NFIB: variants seen among roughly 807,000 people sequenced by gnomAD.
The protein encoded by NFIB is nuclear factor I B.
NFIB carries 11 observed loss-of-function variants against 61.5 expected under a neutral mutation model. The observed-to-expected ratio is 0.18, with a 90% CI of 0.11 to 0.30. NFIB has a LOEUF of 0.30. Ranked by LOEUF, NFIB falls within the 10% of genes least tolerant of loss-of-function variation. The pLI is 1.00. For missense variants in NFIB, 471 were observed against 608.9 expected, an observed-to-expected ratio of 0.77 and a Z score of 2.38; for synonymous variants, 260 against 216.5, an observed-to-expected ratio of 1.20 and a Z score of -1.76.
chr9:14,280,287 T>C (rs564019592), intron 2 of NFIB, among the ~76,000 whole-genome samples: 202 of 152,106 alleles, frequency 1.3e-3, no homozygotes, highest in Non-Finnish European at 2.5e-3. Context: ...TTCCCTCACA[T>C]GTACAAAGGA....
chr9:14,102,462 G>T, intron 10 of NFIB: 1 of 1,550,232 alleles, frequency 6.5e-7, no homozygotes, highest in Non-Finnish European at 8.7e-7. Flanking sequence ...CTGGTACTGG[G>T]GTATAAATGC....
intron 1 of NFIB, among the ~76,000 whole-genome samples, chr9:14,312,425 G>A (rs965129819): frequency 6.6e-6 from 1 of 152,198 alleles, no homozygotes; most frequent in Admixed American, 6.5e-5. Flanking sequence ...TACCAATGGT[G>A]ACACATCTTC....
At position 14,307,916 on chromosome 9, in the gene NFIB, G is replaced by T; in HGVS notation, c.31-396C>A. The T allele has an allele frequency of 6.2e-6, 1 of 160,428 alleles. No individual in the cohort carries two copies. Among genetic ancestry groups the T allele is most frequent in the Non-Finnish European group, 1.4e-5 (1 of 72,954 alleles). The allele number at this position is 160,428 out of a possible 1,614,324, so 9.9% of individuals were successfully genotyped here. A position where few individuals can be genotyped will look rare whatever the true frequency, so the allele number is the denominator to read the frequency against. On this transcript the variant is annotated intron_variant, in intron 1 of 10. Transcript: ENST00000380953. This position sits in a 1 kb window ranked among gnomAD's most constrained non-coding sequence, Gnocchi z 5.3. The stretch of plus-strand genomic sequence containing the variant: ...TTGATTGACCAACTAACACTATGCA[G>T]TACCATTTTACAAAGAACACAGTGA...
chr9:14,265,442 G>C (rs1157703677), intron 2 of NFIB, among the ~76,000 whole-genome samples: 2 of 152,162 alleles, frequency 1.3e-5, no homozygotes, highest in Non-Finnish European at 2.9e-5. Context: ...CGGAGAGCTT[G>C]CTTGCTCCGT....
the NFIB span, among the ~76,000 whole-genome samples, chr9:14,419,569 C>A: frequency 6.6e-6 from 1 of 152,202 alleles, no homozygotes; most frequent in Admixed American, 6.5e-5. Flanking sequence ...AATTTTGCAA[C>A]GAGCCCTGTT....
intron 2 of NFIB, among the ~76,000 whole-genome samples, chr9:14,226,600 ACTT>A (rs1182640175): frequency 1.3e-5 from 2 of 152,104 alleles, no homozygotes; most frequent in African/African-American, 2.4e-5. Context: ...CTTAAAAAAT[ACTT>A]CTTATGAGCT....
chr9:14,264,436 G>C (rs917754746), intron 2 of NFIB, among the ~76,000 whole-genome samples: 11 of 152,152 alleles, frequency 7.2e-5, no homozygotes, highest in African/African-American at 2.7e-4. Flanking sequence ...ACTAAAGGAA[G>C]ATACTATTAT....
At chr9:14,347,799 G>A (rs536125077) in intron 1 of NFIB, among the ~76,000 whole-genome samples, 1 of 152,282 alleles carries the variant, frequency 6.6e-6, no homozygotes, top group South Asian at 2.1e-4. Flanking sequence ...CGACGGCTCA[G>A]GGCGGTAGAG....
Position 14,120,624 on chromosome 9 carries a change from A to G in NFIB, c.1061T>C (p.Val354Ala). The G allele has an allele frequency of 6.3e-7, 1 of 1,594,588 alleles. No homozygotes were observed. Among genetic ancestry groups the G allele is most frequent in the Non-Finnish European group, 8.5e-7 (1 of 1,171,708 alleles). The part of the protein sequence containing the change: ...HPGIPGVAHS[V>A]ISTRTPPPPS... Reference sequence around the variant, plus strand: ...TGGAGGTGGAGTTCGAGTTGAGATGACTGCAGAAGACAGAAAAGGAAAGAT... The same window carrying G: ...TGGAGGTGGAGTTCGAGTTGAGATGGCTGCAGAAGACAGAAAAGGAAAGAT... Residue 354 changes from valine (V) to alanine (A), a missense_variant and splice_region_variant, in exon 8 of 11, where the codon GTC (valine) becomes GCC (alanine). Physicochemically the swap from Val to Ala is moderately conservative, Grantham distance 64 (BLOSUM62 0). Coordinates refer to ENST00000380953, the MANE Select transcript of NFIB (RefSeq NM_001190737.2). The surrounding 1 kb of genome is among the most constrained non-coding windows in gnomAD (Gnocchi z 4.4).
At chr9:14,118,057 T>C (rs1368586301) in intron 8 of NFIB, among the ~76,000 whole-genome samples, 1 of 152,104 alleles carries the variant, frequency 6.6e-6, no homozygotes, top group Non-Finnish European at 1.5e-5. Flanking sequence ...TAATTGGTTT[T>C]GAGTTGGAGT....
At chr9:14,089,402 T>C (rs1294013290) in intron 10 of NFIB, among the ~76,000 whole-genome samples, 3 of 151,598 alleles carry the variant, frequency 2.0e-5, no homozygotes, top group African/African-American at 7.3e-5. Context: ...AATTCTCTAA[T>C]TGCTACTAGC....
At chr9:14,309,678 C>T (rs2060193802) in intron 1 of NFIB, among the ~76,000 whole-genome samples, 1 of 152,178 alleles carries the variant, frequency 6.6e-6, no homozygotes, top group Non-Finnish European at 1.5e-5. Flanking sequence ...CTTTCTGATG[C>T]CATGCTTTTA....
chr9:14,311,229 C>T (rs955169326), intron 1 of NFIB, among the ~76,000 whole-genome samples: 1 of 151,902 alleles, frequency 6.6e-6, no homozygotes, highest in African/African-American at 2.4e-5. Flanking sequence ...AACCTAGATA[C>T]CTTATTGCAA....
chr9:14,257,689 G>C (rs1417408136), intron 2 of NFIB, among the ~76,000 whole-genome samples: 2 of 152,170 alleles, frequency 1.3e-5, no homozygotes, highest in African/African-American at 4.8e-5. Context: ...CCGGGGGACA[G>C]AGGTTGTGGT....
At chr9:14,192,928 A>G (rs2131569396) in intron 2 of NFIB, among the ~76,000 whole-genome samples, 1 of 152,184 alleles carries the variant, frequency 6.6e-6, no homozygotes, top group African/African-American at 2.4e-5. Flanking sequence ...TCACTCTAAA[A>G]TACGTGTCAG....
chr9:14,364,536 G>A (rs2061277708), intron 1 of NFIB, among the ~76,000 whole-genome samples: 1 of 152,050 alleles, frequency 6.6e-6, no homozygotes, highest in Non-Finnish European at 1.5e-5. Context: ...AATAGAAATG[G>A]GTCCTTACTT....
chr9:14,455,935 A>G, the NFIB span, among the ~76,000 whole-genome samples: 1 of 152,208 alleles, frequency 6.6e-6, no homozygotes, highest in African/African-American at 2.4e-5. Context: ...AATAAAAAAC[A>G]TATACAAGTT....
the NFIB span, among the ~76,000 whole-genome samples, chr9:14,424,321 A>G: frequency 1.3e-5 from 2 of 152,232 alleles, no homozygotes; most frequent in Non-Finnish European, 2.9e-5. Context: ...TGTATTCTGC[A>G]GAACACTGTT....
upstream of NFIB, among the ~76,000 whole-genome samples, chr9:14,314,976 G>A (rs2060473616): frequency 6.6e-6 from 1 of 151,910 alleles, no homozygotes; most frequent in Non-Finnish European, 1.5e-5. Flanking sequence ...AGGAACGAGT[G>A]GAAAATTCCC....
Sources: gnomAD v4.1 joint callset for allele counts (sites outside exome capture counted in the v4.1 genomes callset) on GRCh38, gnomAD v4.1.1 for gene constraint, Gnocchi (gnomAD v3.1) non-coding constraint, MANE v1.5 for transcripts, NCBI Gene and HGNC (gene_info 2026-07-23, HGNC 2026-07-21) for gene names.